The following CHODL variants were observed in gnomAD, a reference collection of about 807,000 sequenced individuals.
CHODL encodes chondrolectin.
A neutral mutation model predicts 34.5 loss-of-function variants in CHODL; 29 were observed. That is an observed-to-expected ratio of 0.84 (90% CI 0.63 to 1.15). CHODL has a LOEUF of 1.15. Ranked by LOEUF, CHODL falls within the 50% of genes most tolerant of loss-of-function variation. The pLI is 0.00. For synonymous variants in CHODL, 125 were observed against 116.1 expected (o/e 1.08, Z -0.49); for missense variants, 332 against 332.5 (o/e 1.00, Z 0.01).
In CHODL at chr21:18,238,231, G is replaced by A. The variant is rs78370800; in HGVS notation, c.-44-18278G>A. 1.3e-3 allele frequency among the ~76,000 whole-genome samples: 201 copies of A among 152,108 alleles called. 1 individual carries two copies. Among genetic ancestry groups the A allele is most frequent in the African/African-American group, 4.4e-3 (181 of 41,508 alleles). On this transcript the variant is annotated intron_variant, in intron 2 of 6. Transcript: ENST00000400127. ...TAGAATAAGCCATGTAAACTGATGCGCATATTAGTCCATTTTCATGCTGCT... is the reference window on the plus strand; with the variant it reads ...TAGAATAAGCCATGTAAACTGATGCACATATTAGTCCATTTTCATGCTGCT...
At chr21:18,258,108 C>G (rs2074338298) in intron 3 of CHODL, among the ~76,000 whole-genome samples, 1 of 152,108 alleles carries the variant, frequency 6.6e-6, no homozygotes, top group South Asian at 2.1e-4. Context: ...TCTCATAATA[C>G]CAGAAAACAC....
At chr21:17,923,002 C>T (rs1477832954) in intron 1 of CHODL, among the ~76,000 whole-genome samples, 1 of 152,110 alleles carries the variant, frequency 6.6e-6, no homozygotes, top group Non-Finnish European at 1.5e-5. Flanking sequence ...CAACTTCAAG[C>T]AGGGAGGGGA....
At chr21:17,940,869 A>T (rs2824567) in intron 1 of CHODL, among the ~76,000 whole-genome samples, 51,850 of 152,066 alleles carry the variant, frequency 0.34, 9,235 homozygotes, top group South Asian at 0.49. Context: ...GAATGGTCGT[A>T]TCTGTAAACT....
intron 2 of CHODL, among the ~76,000 whole-genome samples, chr21:18,036,227 T>G (rs534857443): frequency 6.6e-6 from 1 of 152,142 alleles, no homozygotes; most frequent in African/African-American, 2.4e-5. Flanking sequence ...CTGAGATTTT[T>G]TTCAGTCTAG....
At chr21:17,959,332 G>C (rs568423992) in intron 1 of CHODL, among the ~76,000 whole-genome samples, 1 of 152,214 alleles carries the variant, frequency 6.6e-6, no homozygotes, top group Non-Finnish European at 1.5e-5. Flanking sequence ...TGTCCACTAC[G>C]TTTTTGGTGT....
chr21:17,959,214 C>A (rs1209429221), intron 1 of CHODL, among the ~76,000 whole-genome samples: 1 of 152,030 alleles, frequency 6.6e-6, no homozygotes, highest in Non-Finnish European at 1.5e-5. Flanking sequence ...CCTATTGAAT[C>A]TTTCTGACTG....
chr21:18,236,951 G>A (rs936389652), intron 2 of CHODL, among the ~76,000 whole-genome samples: 37 of 152,206 alleles, frequency 2.4e-4, no homozygotes, highest in African/African-American at 7.9e-4. Context: ...ATATGTTATA[G>A]TATAGTATTT....
intron 2 of CHODL, among the ~76,000 whole-genome samples, chr21:18,042,120 A>C (rs1030751678): frequency 6.6e-6 from 1 of 151,914 alleles, no homozygotes; most frequent in Non-Finnish European, 1.5e-5. Context: ...TAAAATTTGA[A>C]AAAAAATGTA....
chr21:18,123,685 A>T (rs888873771), intron 2 of CHODL, among the ~76,000 whole-genome samples: 1 of 152,162 alleles, frequency 6.6e-6, no homozygotes, highest in African/African-American at 2.4e-5. Flanking sequence ...TAATTTATTT[A>T]TAATGGAGGA....
chr21:18,254,820 G>A (rs2074297263), intron 1 of CHODL, among the ~76,000 whole-genome samples: 1 of 151,838 alleles, frequency 6.6e-6, no homozygotes, highest in Non-Finnish European at 1.5e-5. Context: ...TTGATAATTA[G>A]GAAAATTAGC....
intron 2 of CHODL, among the ~76,000 whole-genome samples, chr21:18,120,640 A>G (rs756977770): frequency 2.0e-5 from 3 of 152,130 alleles, no homozygotes; most frequent in Non-Finnish European, 4.4e-5. Context: ...ATATATACAA[A>G]ATATGTGTCT....
chr21:18,201,907 C>T (rs538706239), intron 2 of CHODL, among the ~76,000 whole-genome samples: 5 of 151,570 alleles, frequency 3.3e-5, no homozygotes, highest in Non-Finnish European at 7.4e-5. Flanking sequence ...CGGGTTCCCG[C>T]CATTCTCCTG....
chr21:18,070,772 C>G (rs2064793882), intron 2 of CHODL, among the ~76,000 whole-genome samples: 1 of 152,086 alleles, frequency 6.6e-6, no homozygotes, highest in Non-Finnish European at 1.5e-5. Flanking sequence ...TGGATGACCT[C>G]AACTCCCCAT....
At chr21:18,161,681 C>G (rs79720388) in intron 2 of CHODL, among the ~76,000 whole-genome samples, 1 of 152,024 alleles carries the variant, frequency 6.6e-6, no homozygotes, top group African/African-American at 2.4e-5. Flanking sequence ...TTTTTCAAGT[C>G]TTAGATTTTT....
chr21:18,185,017 A>G (rs1401785885), intron 2 of CHODL, among the ~76,000 whole-genome samples: 1 of 151,450 alleles, frequency 6.6e-6, no homozygotes, highest in Non-Finnish European at 1.5e-5. Flanking sequence ...TTTTTGTTTT[A>G]TTTTTATTTT....
intron 3 of CHODL, among the ~76,000 whole-genome samples, chr21:18,257,395 A>G (rs2074330890): frequency 6.6e-6 from 1 of 152,202 alleles, no homozygotes; most frequent in Non-Finnish European, 1.5e-5. Context: ...AAAACCAAAT[A>G]TTTTTGTAAA....
rs552167262 is a variant in CHODL, at chr21:18,260,267, T to C, written c.615T>C (p.Asn205=). Residue 205 remains asparagine (N), a synonymous_variant, in exon 4 of 6, where the codon AAT becomes AAC. Coordinates refer to ENST00000299295, the MANE Select transcript of CHODL (RefSeq NM_024944.3). ...LTNQPGDTHQ[N]VVVTEAGIIP... ...ATCAACCAGGAGACACCCATCAGAA[T>C]GTGGTTGTTACTGAAGCAGGTAATT... 1 of 1,590,012 alleles carries C rather than the reference T, an allele frequency of 6.3e-7. No individual in the cohort carries two copies. The highest frequency in any genetic ancestry group is 1.4e-5 in the African/African-American group (1 of 73,484).
Position 18,006,442 on chromosome 21 carries a change from A to G in CHODL, c.-144-21430A>G, listed in dbSNP as rs140276308. Among the ~76,000 whole-genome samples the G allele has an allele frequency of 2.6e-3, 389 of 152,186 alleles. 4 individuals carry two copies. The highest frequency in any genetic ancestry group is 9.0e-3 in the African/African-American group (374 of 41,538). The stretch of plus-strand genomic sequence containing the variant: ...GAAACTAACAAAGATCTTCTCACCT[A>G]TCTACATTACTGCCACTTCTGTTGC... On this transcript the variant is annotated intron_variant, in intron 1 of 6. Coordinates refer to the CHODL transcript ENST00000400127.
chr21:18,059,689 G>C (rs1362806988), intron 2 of CHODL, among the ~76,000 whole-genome samples: 2 of 152,000 alleles, frequency 1.3e-5, no homozygotes, highest in Non-Finnish European at 2.9e-5. Flanking sequence ...TGTTCCCCCT[G>C]ACGTGTCTGT....
Sources: gnomAD v4.1 joint callset for allele counts (sites outside exome capture counted in the v4.1 genomes callset) on GRCh38, gnomAD v4.1.1 for gene constraint, MANE v1.5 for transcripts, NCBI Gene and HGNC (gene_info 2026-07-23, HGNC 2026-07-21) for gene names.